Variants in RBM20 observed in about 807,000 individuals in gnomAD.
RBM20 encodes the protein RNA binding motif protein 20, also known as RNA-binding protein 20.
In RBM20, 51 loss-of-function variants were observed where a neutral mutation model predicts 110.1. The observed-to-expected ratio is 0.46, with a 90% confidence interval of 0.37 to 0.59. The LOEUF is 0.59. Ranked by LOEUF, RBM20 falls within the 20% of genes least tolerant of loss-of-function variation. The pLI is 0.00. For synonymous variants in RBM20, 589 were observed against 618.2 expected, an observed-to-expected ratio of 0.95 and a Z score of 0.70; for missense variants, 1,512 against 1,574.9, an observed-to-expected ratio of 0.96 and a Z score of 0.68.
At chr10:110,732,090 T>C (rs1843625585) in intron 1 of RBM20, among the ~76,000 whole-genome samples, 1 of 152,326 alleles carries the variant, frequency 6.6e-6, no homozygotes, top group Middle Eastern at 3.4e-3. Context: ...TTAATAACCA[T>C]ACTTCTGATA....
intron 5 of RBM20, among the ~76,000 whole-genome samples, chr10:110,788,172 C>T (rs944746215): frequency 2.6e-5 from 4 of 152,172 alleles, no homozygotes; most frequent in Admixed American, 6.5e-5. Context: ...TGAGGGGTCT[C>T]TTCCTTGCTG....
intron 1 of RBM20, among the ~76,000 whole-genome samples, chr10:110,668,827 G>A (rs1273697182): frequency 2.0e-5 from 3 of 151,678 alleles, no homozygotes; most frequent in African/African-American, 4.8e-5. Flanking sequence ...AGAGACTGAC[G>A]AAGTTCTTTT....
At chr10:110,775,952 CT>C (rs1844257172) in intron 1 of RBM20, among the ~76,000 whole-genome samples, 1 of 152,184 alleles carries the variant, frequency 6.6e-6, no homozygotes, top group African/African-American at 2.4e-5. Context: ...TCTGAGTTGG[CT>C]TTATTCTCAA....
intron 7 of RBM20, among the ~76,000 whole-genome samples, chr10:110,801,427 CAAA>C (rs34583233): frequency 8.8e-4 from 119 of 134,768 alleles, no homozygotes; most frequent in African/African-American, 1.3e-3. Context: ...AACTCCGTCT[CAAA>C]AAAAAAAAAA....
rs144258691 is a variant in RBM20 at position 110,706,486 on chromosome 10, G to T, written c.191+61841G>T. Among the ~76,000 whole-genome samples, 37 of 152,300 alleles carry T rather than the reference G, an allele frequency of 2.4e-4. 1 individual carries two copies. The highest frequency in any genetic ancestry group is 6.2e-4 in the South Asian group (3 of 4,832). On this transcript the variant is annotated intron_variant, in intron 1 of 13. Transcript: ENST00000369519. Reference sequence around the variant, plus strand: ...CCTTTTCATTCTCTTTCTGATATCCGCCAGGAAATGCAACGGTTCTGTTTA... The same window carrying T: ...CCTTTTCATTCTCTTTCTGATATCCTCCAGGAAATGCAACGGTTCTGTTTA...
At chr10:110,672,564 G>T (rs962853919) in intron 1 of RBM20, among the ~76,000 whole-genome samples, 1 of 152,244 alleles carries the variant, frequency 6.6e-6, no homozygotes, top group African/African-American at 2.4e-5. Context: ...GGGTGTTCGC[G>T]GAAGCTGCGC....
At chr10:110,695,516 G>A (rs1200278096) in intron 1 of RBM20, among the ~76,000 whole-genome samples, 3 of 152,188 alleles carry the variant, frequency 2.0e-5, no homozygotes, top group African/African-American at 7.2e-5. Flanking sequence ...GGGGAAATGT[G>A]TCCGCCCCTT....
intron 1 of RBM20, among the ~76,000 whole-genome samples, chr10:110,730,620 A>G (rs1194328606): frequency 6.6e-6 from 1 of 152,252 alleles, no homozygotes; most frequent in Non-Finnish European, 1.5e-5. Context: ...AAATGGGCAG[A>G]ATGCCCAGCC....
chr10:110,779,582 C>A (rs1171747485), intron 1 of RBM20, among the ~76,000 whole-genome samples: 1 of 152,172 alleles, frequency 6.6e-6, no homozygotes, highest in Non-Finnish European at 1.5e-5. Flanking sequence ...AGTAAAACAA[C>A]CTGGGGCTTG....
rs553708848 is a variant in RBM20, at chr10:110,668,742, T to C, written c.191+24097T>C. Among the ~76,000 whole-genome samples, 8 of 152,244 alleles carry C rather than the reference T, an allele frequency of 5.3e-5. No individual in the cohort carries two copies. The South Asian group carries it at 1.7e-3, about 32-fold the overall frequency. ...TTTCATGTCTGCTCTTTGAGGACTG[T>C]GAAGAGAGGGGAGGGTAGAGGCAGA... On this transcript the variant is annotated intron_variant, in intron 1 of 13. Transcript: ENST00000369519.
At chr10:110,700,790 C>T (rs530701732) in intron 1 of RBM20, among the ~76,000 whole-genome samples, 8 of 152,118 alleles carry the variant, frequency 5.3e-5, no homozygotes, top group Middle Eastern at 3.4e-3. Context: ...CTGAGGCGGG[C>T]GGATCACCTG....
intron 1 of RBM20, among the ~76,000 whole-genome samples, chr10:110,724,307 C>A (rs1271547017): frequency 6.6e-6 from 1 of 152,230 alleles, no homozygotes; most frequent in Non-Finnish European, 1.5e-5. Flanking sequence ...ACCTGTAAAA[C>A]ATCTGCTCCA....
chr10:110,710,971 A>T (rs1315038546), intron 1 of RBM20, among the ~76,000 whole-genome samples: 1 of 151,908 alleles, frequency 6.6e-6, no homozygotes, highest in East Asian at 1.9e-4. Flanking sequence ...GGGAATCCGG[A>T]TTTCTCCAGG....
intron 5 of RBM20, among the ~76,000 whole-genome samples, chr10:110,795,755 C>G (rs1280080482): frequency 6.6e-6 from 1 of 152,186 alleles, no homozygotes; most frequent in Non-Finnish European, 1.5e-5. Context: ...ATTGGGTTGG[C>G]TTATGGTTAC....
At chr10:110,692,791 G>A (rs1862605670) in intron 1 of RBM20, among the ~76,000 whole-genome samples, 1 of 152,136 alleles carries the variant, frequency 6.6e-6, no homozygotes, top group Non-Finnish European at 1.5e-5. Flanking sequence ...GAATAGAAGT[G>A]GAGAAAGCAA....
intron 5 of RBM20, among the ~76,000 whole-genome samples, chr10:110,794,105 C>T (rs1011924580): frequency 3.3e-5 from 5 of 152,166 alleles, no homozygotes; most frequent in Non-Finnish European, 7.3e-5. Context: ...TTTCCTCCTT[C>T]GCTCCCTCCC....
chr10:110,655,057 A>G (rs1485231680), intron 1 of RBM20, among the ~76,000 whole-genome samples: 6 of 152,220 alleles, frequency 3.9e-5, no homozygotes, highest in Admixed American at 2.0e-4. Flanking sequence ...TTATGAAAAC[A>G]TGGTGGAATG....
At chr10:110,664,297 C>A (rs529600405) in intron 1 of RBM20, among the ~76,000 whole-genome samples, 8 of 152,306 alleles carry the variant, frequency 5.3e-5, no homozygotes, top group African/African-American at 1.9e-4. Flanking sequence ...AAGAAGCTAT[C>A]AAAGACCACG....
In RBM20 at chr10:110,812,874, A is replaced by G. The variant is rs773581304; in HGVS notation, c.2477A>G (p.Asn826Ser). 6.1e-6 allele frequency: 9 copies of G among 1,479,664 alleles called. No homozygotes were observed. In the South Asian group the frequency reaches 1.1e-4, roughly 19 times the overall value. The allele number at this position is 1,479,664 out of a possible 1,614,324, so 91.7% of individuals were successfully genotyped here. A position where few individuals can be genotyped will look rare whatever the true frequency, so the allele number is the denominator to read the frequency against. The change falls in exon 9 of 14, where the codon AAT (asparagine) becomes AGT (serine). Residue 826 changes from asparagine (N) to serine (S), a missense_variant. Physicochemically the swap from Asn to Ser is conservative, Grantham distance 46. Transcript: ENST00000369519. ...GCCAAGGCCAAGCAGAATGAGAAAAATAAAACCAAGAGAACTGATAGAGAC... is the reference window on the plus strand; with the variant it reads ...GCCAAGGCCAAGCAGAATGAGAAAAGTAAAACCAAGAGAACTGATAGAGAC... ...EGAKAKQNEK[N>S]KTKRTDRDQE...
Sources: allele counts gnomAD v4.1 joint callset (sites outside exome capture counted in the v4.1 genomes callset), GRCh38; gene constraint gnomAD v4.1.1; transcripts MANE v1.5; gene names NCBI Gene and HGNC (gene_info 2026-07-23, HGNC 2026-07-21).